Variants in DTWD2 observed in about 807,000 individuals in gnomAD.
The protein encoded by DTWD2 is tRNA-uridine aminocarboxypropyltransferase 2.
A neutral mutation model predicts 31.8 loss-of-function variants in DTWD2; 39 were observed. The observed-to-expected ratio is 1.22, with a 90% CI of 0.95 to 1.60. The LOEUF (loss-of-function observed/expected upper bound fraction) is 1.60, where lower values mean the gene tolerates loss of function less well. Among genes scored for constraint, DTWD2 ranks in the 40% most tolerant of loss-of-function variants. DTWD2 has a pLI of 0.00. For synonymous variants in DTWD2, 180 were observed against 142.8 expected, an observed-to-expected ratio of 1.26 and a Z score of -1.86; for missense variants, 515 against 381.5, an observed-to-expected ratio of 1.35 and a Z score of -2.92.
intron 1 of DTWD2, among the ~76,000 whole-genome samples, chr5:118,947,622 G>A (rs1360019760): frequency 6.6e-6 from 1 of 152,180 alleles, no homozygotes; most frequent in East Asian, 1.9e-4. Context: ...AACGGGCCAT[G>A]TGTGGTTTTG....
chr5:118,839,945 C>A lies in DTWD2; in HGVS notation c.*972G>T, dbSNP rs17132673. On this transcript the variant is annotated 3_prime_UTR_variant, in exon 6 of 6. Coordinates refer to ENST00000510708, the MANE Select transcript of DTWD2 (RefSeq NM_173666.4). ...ACACTAGATACAGGAAACTCTAGAA[C>A]TCATAAACAAAGACTAAACAAAATC... is the stretch of plus-strand genomic sequence containing the variant. The A allele has an allele frequency of 6.6e-6, 1 of 151,890 alleles. No individual in the cohort carries two copies. Among genetic ancestry groups the A allele is most frequent in the East Asian group, 1.9e-4 (1 of 5,184 alleles). 9.4% of individuals were successfully genotyped at this position (151,890 alleles called of 1,614,324 possible).
chr5:118,939,348 A>G lies in DTWD2; in HGVS notation c.310-58T>C, dbSNP rs182721762. The G allele has an allele frequency of 8.7e-4, 1,164 of 1,334,150 alleles. 7 individuals are homozygous for G. The Middle Eastern group carries it at 0.015, about 17-fold the overall frequency. 82.6% of individuals were successfully genotyped at this position (1,334,150 alleles called of 1,614,324 possible). A position where few individuals can be genotyped will look rare whatever the true frequency, so the allele number is the denominator to read the frequency against. Reference sequence around the variant, plus strand: ...TTTACTTAGATATACACACTTTTAAATATTTTATAATGAACATCTGATTCA... The same window carrying G: ...TTTACTTAGATATACACACTTTTAAGTATTTTATAATGAACATCTGATTCA... On this transcript the variant is annotated intron_variant, in intron 2 of 5. Coordinates refer to ENST00000510708, the MANE Select transcript of DTWD2 (RefSeq NM_173666.4).
At position 118,988,511 on chromosome 5, in the gene DTWD2, TGGC is replaced by T; in HGVS notation, c.-3_-1del. The T allele has an allele frequency of 6.4e-7, 1 of 1,557,396 alleles. No homozygotes were observed. The highest frequency in any genetic ancestry group is 8.7e-7 in the Non-Finnish European group (1 of 1,154,744). On this transcript the variant is annotated 5_prime_UTR_variant, in exon 1 of 6. Transcript: ENST00000510708. ...GTTCGTGCCTCTTTCTGCGACTCCA[TGGC>T]GGACACTCCGGTCAGGCCGTGGCAT...
intron 4 of DTWD2, among the ~76,000 whole-genome samples, chr5:118,926,339 G>T (rs1173887955): frequency 6.6e-6 from 1 of 152,124 alleles, no homozygotes; most frequent in African/African-American, 2.4e-5. Flanking sequence ...TTATAAGTGG[G>T]AGCTAAGCTA....
intron 1 of DTWD2, among the ~76,000 whole-genome samples, chr5:118,969,063 C>T (rs1754921382): frequency 1.3e-5 from 2 of 152,268 alleles, no homozygotes; most frequent in African/African-American, 4.8e-5. Flanking sequence ...TCAGACTGCT[C>T]CTCTAAGTGG....
rs753154919 is a variant in DTWD2 at position 118,839,268 on chromosome 5, T to C, written c.*1649A>G. 6 of 152,180 alleles carry C rather than the reference T, an allele frequency of 3.9e-5. No individual in the cohort carries two copies. The highest frequency in any genetic ancestry group is 8.8e-5 in the Non-Finnish European group (6 of 68,024). 9.4% of individuals were successfully genotyped at this position (152,180 alleles called of 1,614,324 possible). ...TTTAGCCCCACTTGTTAAGAAACTA[T>C]TATACATTATTATATGCTGTTTCTT... On this transcript the variant is annotated 3_prime_UTR_variant, in exon 6 of 6. Coordinates refer to ENST00000510708, the MANE Select transcript of DTWD2 (RefSeq NM_173666.4).
chr5:118,891,940 A>G (rs1237126219), intron 4 of DTWD2, among the ~76,000 whole-genome samples: 2 of 152,216 alleles, frequency 1.3e-5, no homozygotes, highest in Non-Finnish European at 2.9e-5. Flanking sequence ...CAATGCTACT[A>G]AAATATATCA....
At chr5:118,948,581 G>A (rs907256227) in intron 1 of DTWD2, among the ~76,000 whole-genome samples, 2 of 152,176 alleles carry the variant, frequency 1.3e-5, no homozygotes, top group African/African-American at 4.8e-5. Flanking sequence ...GAGAGACACG[G>A]TCATGGGGGT....
intron 2 of DTWD2, among the ~76,000 whole-genome samples, chr5:118,942,269 G>A (rs890178674): frequency 2.6e-5 from 4 of 152,120 alleles, no homozygotes; most frequent in Non-Finnish European, 4.4e-5. Flanking sequence ...CAGCTCTTAG[G>A]GAGGCAGAGG....
rs1300375937 is a variant in DTWD2, at chr5:118,974,116, G to A, written c.218+14178C>T. 2.5e-6 allele frequency: 4 copies of A among 1,586,320 alleles called. No individual in the cohort carries two copies. The East Asian group carries it at 9.0e-5, about 36-fold the overall frequency. On this transcript the variant is annotated intron_variant, in intron 1 of 5. Transcript: ENST00000510708. The stretch of plus-strand genomic sequence containing the variant: ...ATACCAAGAAGCAGAAGACCGACGA[G>A]GATGACTAGACAGCAAAAAAGGAAA...
chr5:118,910,335 T>G (rs1374929481), intron 4 of DTWD2, among the ~76,000 whole-genome samples: 1 of 152,214 alleles, frequency 6.6e-6, no homozygotes, highest in African/African-American at 2.4e-5. Context: ...CACAAATCAC[T>G]AGGACACCAA....
intron 4 of DTWD2, among the ~76,000 whole-genome samples, chr5:118,867,279 T>C (rs147055081): frequency 6.6e-6 from 1 of 151,692 alleles, no homozygotes; most frequent in East Asian, 1.9e-4. Context: ...TACCTCAAAA[T>C]AACTGATCAA....
chr5:118,865,982 G>T (rs990924648), intron 4 of DTWD2, among the ~76,000 whole-genome samples: 1 of 151,332 alleles, frequency 6.6e-6, no homozygotes, highest in African/African-American at 2.4e-5. Flanking sequence ...TCTAAAAGAG[G>T]TACGTGTGTC....
intron 1 of DTWD2, chr5:118,988,060 C>G: frequency 1.4e-6 from 1 of 712,934 alleles, no homozygotes; most frequent in Non-Finnish European, 2.5e-6. Context: ...TCTGCTCATC[C>G]CATGATACGC....
chr5:118,968,640 T>C (rs930757769), intron 1 of DTWD2, among the ~76,000 whole-genome samples: 6 of 152,116 alleles, frequency 3.9e-5, no homozygotes, highest in Non-Finnish European at 8.8e-5. Context: ...GATCCCCCCC[T>C]GAGCCCACAC....
intron 1 of DTWD2, 121 bp downstream of exon 1, chr5:118,988,173 C>T: frequency 7.9e-7 from 1 of 1,257,888 alleles, no homozygotes; most frequent in Non-Finnish European, 1.1e-6. Flanking sequence ...AACGTGCACC[C>T]GCCAACTCCG....
At chr5:118,927,655 A>G (rs939072507) in intron 4 of DTWD2, among the ~76,000 whole-genome samples, 3 of 152,114 alleles carry the variant, frequency 2.0e-5, no homozygotes, top group Admixed American at 6.5e-5. Flanking sequence ...AATTCCCTAG[A>G]GAAATATAAA....
chr5:118,961,709 C>T lies in DTWD2; in HGVS notation c.219-17060G>A, dbSNP rs151244512. 6.7e-3 allele frequency among the ~76,000 whole-genome samples: 1,025 copies of T among 152,236 alleles called. 12 individuals are homozygous for T. The highest frequency in any genetic ancestry group is 0.024 in the African/African-American group (985 of 41,532). ...AATATTTTGCTTATTCTCTCATCTC[C>T]TTTTCTTATCTAAAAACTGTCTATA... On this transcript the variant is annotated intron_variant, in intron 1 of 5. Coordinates refer to ENST00000510708, the MANE Select transcript of DTWD2 (RefSeq NM_173666.4).
At chr5:118,898,303 CA>C (rs1369476906) in intron 4 of DTWD2, among the ~76,000 whole-genome samples, 1 of 151,794 alleles carries the variant, frequency 6.6e-6, no homozygotes, top group Admixed American at 6.6e-5. Context: ...TGCTACTGGG[CA>C]AAAACAAAAA....
Sources: allele counts gnomAD v4.1 joint callset (sites outside exome capture counted in the v4.1 genomes callset), GRCh38; gene constraint gnomAD v4.1.1; transcripts MANE v1.5; gene names NCBI Gene and HGNC (gene_info 2026-07-23, HGNC 2026-07-21).